TMEM260: variants seen among roughly 807,000 people sequenced by gnomAD.
TMEM260 encodes protein O-mannosyl-transferase TMEM260.
Under a neutral mutation model 88.9 loss-of-function variants are expected in TMEM260, and 82 were observed. The ratio of observed to expected loss-of-function variants is 0.92; its 90% CI spans 0.77 to 1.11. The LOEUF (loss-of-function observed/expected upper bound fraction) is 1.11. TMEM260 is among the 50% of genes least tolerant of loss of function. The pLI is 0.00. For missense variants in TMEM260, 902 were observed against 853.4 expected (o/e 1.06, Z -0.71); for synonymous variants, 314 against 309.3 (o/e 1.02, Z -0.16).
At position 56,634,014 on chromosome 14, in the gene TMEM260, T is replaced by A. The variant is rs763529755; in HGVS notation, c.1724+843T>A. Reference sequence around the variant, plus strand: ...CCAGAGATGGATGATCAAAACACTCTGCAGCCGTCATGAGAAAAAGTCAGA... The same window carrying A: ...CCAGAGATGGATGATCAAAACACTCAGCAGCCGTCATGAGAAAAAGTCAGA... On this transcript the variant is annotated intron_variant, in intron 13 of 15. Transcript: ENST00000261556. Among the ~76,000 whole-genome samples the A allele has an allele frequency of 3.5e-4, 53 of 152,242 alleles. 1 individual carries two copies. The highest frequency in any genetic ancestry group is 7.3e-4 in the Non-Finnish European group (50 of 68,048).
chr14:56,657,968 G>A, the TMEM260 span, among the ~76,000 whole-genome samples: 1 of 152,092 alleles, frequency 6.6e-6, no homozygotes. Flanking sequence ...GTCTATCTGT[G>A]GCAAAGAAAT....
chr14:56,636,323 TGGTGGGTG>T (rs1296470060), intron 14 of TMEM260, among the ~76,000 whole-genome samples, 177 bp from the exon 15 acceptor site: 1 of 152,132 alleles, frequency 6.6e-6, no homozygotes, highest in African/African-American at 2.4e-5. Flanking sequence ...TGCAGCATCT[TGGTGGGTG>T]GGTGGAGGGA....
At chr14:56,616,048 T>G in intron 8 of TMEM260, 21 bp downstream of exon 8, 1 of 1,532,426 alleles carries the variant, frequency 6.5e-7, no homozygotes, top group South Asian at 1.1e-5. Flanking sequence ...CAATTCCTTT[T>G]TCTGTTATTT....
At chr14:56,659,780 C>T in the TMEM260 span, among the ~76,000 whole-genome samples, 1 of 152,228 alleles carries the variant, frequency 6.6e-6, no homozygotes, top group Non-Finnish European at 1.5e-5. Context: ...TTTGTAGCTT[C>T]ATTAGCATTT....
chr14:56,653,965 G>C (rs1265210883), downstream of TMEM260, among the ~76,000 whole-genome samples: 1 of 152,094 alleles, frequency 6.6e-6, no homozygotes, highest in East Asian at 1.9e-4. Context: ...CATGAAACCA[G>C]CTATATTCCA....
rs749493558 is a variant in TMEM260 at position 56,633,170 on chromosome 14, A to C, written c.1723A>C (p.Arg575=). ...SIYNWTEEYG[R]FDPSSWESVA... ...CTATAACTGGACCGAAGAATATGGAAGGTATGAACAGCAGTTGTATTTTGA... is the reference window on the plus strand; with the variant it reads ...CTATAACTGGACCGAAGAATATGGACGGTATGAACAGCAGTTGTATTTTGA... The change falls in exon 13 of 16, where the codon AGG becomes CGG. Residue 575 remains arginine, a splice_region_variant and synonymous_variant. Transcript: ENST00000261556. 1.2e-5 allele frequency: 20 copies of C among 1,608,474 alleles called. No homozygotes were observed. In the South Asian group the frequency reaches 1.7e-4, roughly 13 times the overall value.
chr14:56,594,600 A>G (rs1047736735), intron 3 of TMEM260, among the ~76,000 whole-genome samples: 6 of 152,152 alleles, frequency 3.9e-5, no homozygotes, highest in East Asian at 1.9e-4. Flanking sequence ...GGTAGATGAC[A>G]ATGGTTTGTC....
intron 13 of TMEM260, 140 bp from the exon 14 acceptor site, chr14:56,634,759 T>A: frequency 1.5e-6 from 1 of 684,306 alleles, no homozygotes; most frequent in Non-Finnish European, 2.5e-6. Context: ...GGAGAATCAC[T>A]TGAACCCAGG....
chr14:56,644,160 A>C (rs1310571110), intron 15 of TMEM260, among the ~76,000 whole-genome samples: 1 of 152,222 alleles, frequency 6.6e-6, no homozygotes, highest in Non-Finnish European at 1.5e-5. Flanking sequence ...AAAGTACTTT[A>C]AAGTTCATAT....
At chr14:56,657,937 G>A in the TMEM260 span, among the ~76,000 whole-genome samples, 1 of 151,966 alleles carries the variant, frequency 6.6e-6, no homozygotes, top group Non-Finnish European at 1.5e-5. Flanking sequence ...AGCAACATTG[G>A]ATTAAAAAAA....
At chr14:56,653,241 G>A (rs1229872460), downstream of TMEM260, among the ~76,000 whole-genome samples, 6 of 152,082 alleles carry the variant, frequency 3.9e-5, no homozygotes, top group African/African-American at 2.4e-5. Flanking sequence ...CAATGCATTC[G>A]AGGTAACAAA....
Position 56,643,067 on chromosome 14 carries a change from C to G in TMEM260, c.1870-4176C>G, listed in dbSNP as rs185232978. Among the ~76,000 whole-genome samples, 18 of 152,236 alleles carry G rather than the reference C, an allele frequency of 1.2e-4. No homozygotes were observed. The East Asian group carries it at 2.9e-3, about 25-fold the overall frequency. On this transcript the variant is annotated intron_variant, in intron 15 of 15. Coordinates refer to ENST00000261556, the MANE Select transcript of TMEM260 (RefSeq NM_017799.4). Reference sequence around the variant, plus strand: ...GTCCAGGACCAGATGGATTCATAGCCGAATTCTACCAGAGGTACAAGGAGG... The same window carrying G: ...GTCCAGGACCAGATGGATTCATAGCGGAATTCTACCAGAGGTACAAGGAGG...
At chr14:56,643,294 C>T (rs1889732108) in intron 15 of TMEM260, among the ~76,000 whole-genome samples, 1 of 152,202 alleles carries the variant, frequency 6.6e-6, no homozygotes, top group African/African-American at 2.4e-5. Context: ...AGCAACACAT[C>T]ACAAAGCTTA....
chr14:56,604,801 G>C (rs1294941898), intron 4 of TMEM260, among the ~76,000 whole-genome samples: 2 of 152,170 alleles, frequency 1.3e-5, no homozygotes, highest in African/African-American at 4.8e-5. Context: ...CAAATACAAG[G>C]AAAAGTGGGA....
At chr14:56,649,551 A>G (rs544817095), downstream of TMEM260, 1 of 152,244 alleles carries the variant, frequency 6.6e-6, no homozygotes, top group Non-Finnish European at 1.5e-5. Context: ...GAGATTGCAC[A>G]TATGCGTGGT....
At chr14:56,655,536 A>G (rs1210548256), downstream of TMEM260, among the ~76,000 whole-genome samples, 3 of 152,118 alleles carry the variant, frequency 2.0e-5, no homozygotes, top group Non-Finnish European at 4.4e-5. Context: ...TAGATTACCT[A>G]TTTCACAGGG....
chr14:56,658,826 G>A, the TMEM260 span, among the ~76,000 whole-genome samples: 1 of 151,952 alleles, frequency 6.6e-6, no homozygotes, highest in Non-Finnish European at 1.5e-5. Context: ...CGCCTCCCAG[G>A]TTCAAGCGAT....
chr14:56,662,332 G>C, the TMEM260 span, among the ~76,000 whole-genome samples: 3 of 152,326 alleles, frequency 2.0e-5, no homozygotes, highest in South Asian at 6.2e-4. Context: ...TGAGGAGGGT[G>C]AAGAGACAGG....
At chr14:56,608,979 C>A (rs1887082111) in intron 5 of TMEM260, 127 bp from the exon 6 acceptor site, 23 of 978,948 alleles carry the variant, frequency 2.3e-5, no homozygotes, top group Non-Finnish European at 3.1e-5. Context: ...TCTGTGGTGA[C>A]TTAATATAAA....
Sources: gnomAD v4.1 joint callset for allele counts (sites outside exome capture counted in the v4.1 genomes callset) on GRCh38, gnomAD v4.1.1 for gene constraint, MANE v1.5 for transcripts, NCBI Gene and HGNC (gene_info 2026-07-23, HGNC 2026-07-21) for gene names.